KCNU1: variants seen among roughly 807,000 people sequenced by gnomAD.
KCNU1 encodes the protein potassium channel subfamily U member 1.
KCNU1 carries 93 observed loss-of-function variants against 126.8 expected under a neutral mutation model. That is an observed-to-expected ratio of 0.73 (90% CI 0.62 to 0.87). The LOEUF is 0.87. KCNU1 is among the 40% of genes least tolerant of loss of function. The pLI is 0.00. For missense variants in KCNU1, 1,330 were observed against 1,367.1 expected, an observed-to-expected ratio of 0.97 and a Z score of 0.43; for synonymous variants, 523 against 494.2, an observed-to-expected ratio of 1.06 and a Z score of -0.77.
chr8:36,902,543 T>A (rs1449935871), intron 19 of KCNU1, among the ~76,000 whole-genome samples: 1 of 152,068 alleles, frequency 6.6e-6, no homozygotes, highest in East Asian at 1.9e-4. Flanking sequence ...AAAGGTAACA[T>A]AGCTATTTCC....
intron 2 of KCNU1, among the ~76,000 whole-genome samples, chr8:36,802,822 T>C (rs1331737209): frequency 6.6e-6 from 1 of 152,220 alleles, no homozygotes; most frequent in Non-Finnish European, 1.5e-5. Flanking sequence ...TCTTCATTTG[T>C]CATCCAGGCT....
chr8:36,919,446 A>C (rs564806290), intron 23 of KCNU1, among the ~76,000 whole-genome samples: 3 of 147,872 alleles, frequency 2.0e-5, no homozygotes, highest in East Asian at 2.0e-4. Context: ...AAAAAAAAAA[A>C]CTCTCGAAGA....
intron 7 of KCNU1, among the ~76,000 whole-genome samples, chr8:36,810,809 C>A (rs535098576): frequency 2.6e-5 from 4 of 151,962 alleles, no homozygotes; most frequent in Non-Finnish European, 4.4e-5. Context: ...GTTATGAGAG[C>A]AACAATTAAG....
At chr8:36,809,743 C>T (rs898965717) in intron 7 of KCNU1, among the ~76,000 whole-genome samples, 1 of 152,150 alleles carries the variant, frequency 6.6e-6, no homozygotes, top group Non-Finnish European at 1.5e-5. Flanking sequence ...GTAGAAACCT[C>T]GTGGCCACCA....
chr8:36,818,989 T>C (rs1355222420), intron 10 of KCNU1, among the ~76,000 whole-genome samples: 1 of 152,308 alleles, frequency 6.6e-6, no homozygotes, highest in South Asian at 2.1e-4. Context: ...TATAATCCAA[T>C]TGAGACAGAG....
chr8:36,807,138 A>G (rs561405650), intron 5 of KCNU1, among the ~76,000 whole-genome samples: 1 of 152,302 alleles, frequency 6.6e-6, no homozygotes, highest in South Asian at 2.1e-4. Context: ...TTTACATTTT[A>G]CATTCCCATC....
At chr8:36,883,113 G>A (rs1806549397) in intron 19 of KCNU1, among the ~76,000 whole-genome samples, 1 of 152,138 alleles carries the variant, frequency 6.6e-6, no homozygotes, top group South Asian at 2.1e-4. Context: ...CTTGTCTCAT[G>A]AGAGGTTAAA....
intron 24 of KCNU1, among the ~76,000 whole-genome samples, chr8:36,923,341 A>G (rs549993387): frequency 6.6e-6 from 1 of 152,308 alleles, no homozygotes; most frequent in South Asian, 2.1e-4. Context: ...ATGATAAATA[A>G]GTAACACAGA....
At position 36,904,831 on chromosome 8, in the gene KCNU1, G is replaced by A. The variant is rs187987352; in HGVS notation, c.2010-877G>A. ...GCTCCGGATGGCTGTGTGGAGGAGAGACACCTTTTCATCTGAGTAACATAT... is the reference window on the plus strand; with the variant it reads ...GCTCCGGATGGCTGTGTGGAGGAGAAACACCTTTTCATCTGAGTAACATAT... On this transcript the variant is annotated intron_variant, in intron 19 of 26. Coordinates refer to ENST00000399881, the MANE Select transcript of KCNU1 (RefSeq NM_001031836.3). 3.3e-4 allele frequency among the ~76,000 whole-genome samples: 50 copies of A among 152,228 alleles called. No homozygotes were observed. The East Asian group carries it at 4.7e-3, about 14-fold the overall frequency.
At chr8:36,924,094 G>T (rs1808456791) in intron 24 of KCNU1, among the ~76,000 whole-genome samples, 1 of 152,304 alleles carries the variant, frequency 6.6e-6, no homozygotes, top group Non-Finnish European at 1.5e-5. Context: ...ACACCCCAGG[G>T]TGTTAAAGGA....
rs147233856 is a variant in KCNU1, at chr8:36,788,028, T to C, written c.315+603T>C. 1.1e-3 allele frequency among the ~76,000 whole-genome samples: 172 copies of C among 152,154 alleles called. 2 individuals carry two copies. The East Asian group carries it at 0.021, about 18-fold the overall frequency. On this transcript the variant is annotated intron_variant, in intron 2 of 26. Transcript: ENST00000399881. ...CACATAGATATTTTCAAAAAATGTT[T>C]AGTAAACTAATCAGACCTGAAATGT...
At chr8:36,834,369 G>T (rs1459870067) in intron 11 of KCNU1, among the ~76,000 whole-genome samples, 2 of 152,132 alleles carry the variant, frequency 1.3e-5, no homozygotes, top group Non-Finnish European at 1.5e-5. Context: ...CACCAATATT[G>T]AATAACTGCT....
rs1231004158 is a variant in KCNU1 at position 36,852,744 on chromosome 8, T to TC, written c.1891+6845_1891+6846insC. Among the ~76,000 whole-genome samples the TC allele has an allele frequency of 4.6e-5, 7 of 152,252 alleles. No homozygotes were observed. In the East Asian group the frequency reaches 1.4e-3, roughly 29 times the overall value. ...TAAGTATTGCTTTATATTTCTTTTA[T>TC]TTTTTCAGACCAGTAGTACTAATCT... On this transcript the variant is annotated intron_variant, in intron 18 of 26. Transcript: ENST00000399881.
chr8:36,910,811 A>G (rs1221604632), intron 21 of KCNU1, 119 bp from the exon 22 acceptor site: 4 of 620,722 alleles, frequency 6.4e-6, no homozygotes, highest in Non-Finnish European at 1.1e-5. Context: ...AAATCAAGTC[A>G]GCAAAGGTTG....
intron 18 of KCNU1, among the ~76,000 whole-genome samples, chr8:36,862,290 G>A (rs935162707): frequency 6.6e-6 from 1 of 152,080 alleles, no homozygotes; most frequent in Non-Finnish European, 1.5e-5. Flanking sequence ...CTTGAGGAAG[G>A]GACTTTGTCT....
intron 7 of KCNU1, among the ~76,000 whole-genome samples, 198 bp downstream of exon 7, chr8:36,808,991 G>T (rs781639646): frequency 6.6e-6 from 1 of 151,994 alleles, no homozygotes; most frequent in African/African-American, 2.4e-5. Flanking sequence ...AGGTGTCTCT[G>T]TTCCCTCTTC....
chr8:36,872,209 T>A (rs1806126924), intron 19 of KCNU1, among the ~76,000 whole-genome samples: 2 of 152,170 alleles, frequency 1.3e-5, no homozygotes, highest in Non-Finnish European at 2.9e-5. Context: ...TATTAACCCT[T>A]CTGGGGCAGC....
At chr8:36,912,488 G>A (rs1464451608) in intron 22 of KCNU1, among the ~76,000 whole-genome samples, 1 of 152,068 alleles carries the variant, frequency 6.6e-6, no homozygotes, top group African/African-American at 2.4e-5. Flanking sequence ...GACTTAGGAG[G>A]GGTGAGCCCT....
At position 36,931,078 on chromosome 8, in the gene KCNU1, T is replaced by G. The variant is rs1808688214; in HGVS notation, c.2864T>G (p.Leu955Trp). The G allele has an allele frequency of 6.2e-7, 1 of 1,611,876 alleles. No homozygotes were observed. The highest frequency in any genetic ancestry group is 1.1e-5 in the South Asian group (1 of 90,674). ...YGVADSCTSL[L>W]SGRNRCKLGL... is the part of the protein sequence containing the mutation. Reference sequence around the variant, plus strand: ...GTGGCAGATAGCTGCACGTCGCTCTTGTCTGGAAGAAACCGGTGTAAGCTG... The same window carrying G: ...GTGGCAGATAGCTGCACGTCGCTCTGGTCTGGAAGAAACCGGTGTAAGCTG... Residue 955 changes from leucine (L) to tryptophan (W), a missense_variant, in exon 25 of 27, where the codon TTG becomes TGG. This residue lies in a region of KCNU1 where 1,054 missense variants were observed against 1,053.9 expected (regional missense o/e 1.00). Transcript: ENST00000399881.
Sources: gnomAD v4.1 joint callset for allele counts (sites outside exome capture counted in the v4.1 genomes callset) on GRCh38, gnomAD v4.1.1 for gene constraint, gnomAD v4.1.1 regional missense constraint, MANE v1.5 for transcripts, NCBI Gene and HGNC (gene_info 2026-07-23, HGNC 2026-07-21) for gene names.